The following ZNF385D variants were observed in gnomAD, a reference collection of about 807,000 sequenced individuals.
ZNF385D encodes the protein zinc finger protein 385D.
In ZNF385D, 15 loss-of-function variants were observed where a neutral mutation model predicts 35.8. That is an observed-to-expected ratio of 0.42 (90% CI 0.28 to 0.64). ZNF385D has a LOEUF of 0.64. ZNF385D is among the 30% of genes least tolerant of loss of function. ZNF385D has a pLI of 0.23. For missense variants in ZNF385D, 474 were observed against 494.6 expected (o/e 0.96, Z 0.39); for synonymous variants, 212 against 186.8 (o/e 1.13, Z -1.10).
At chr3:21,853,299 T>C (rs1297782822) in intron 3 of ZNF385D, among the ~76,000 whole-genome samples, 1 of 151,898 alleles carries the variant, frequency 6.6e-6, no homozygotes, top group Non-Finnish European at 1.5e-5. Flanking sequence ...AAAGTCTGTC[T>C]TCTTTTATAA....
chr3:22,197,242 T>C (rs1403642141), intron 2 of ZNF385D, among the ~76,000 whole-genome samples: 3 of 152,096 alleles, frequency 2.0e-5, no homozygotes, highest in Non-Finnish European at 4.4e-5. Flanking sequence ...GAGAAAATTC[T>C]TGGGCAGCAT....
chr3:22,239,939 G>T (rs1699395964), intron 2 of ZNF385D, among the ~76,000 whole-genome samples: 1 of 150,064 alleles, frequency 6.7e-6, no homozygotes, highest in Non-Finnish European at 1.5e-5. Context: ...CACTTTGGGA[G>T]ACCAAGACAG....
chr3:22,009,453 C>G (rs1696427941), intron 3 of ZNF385D, among the ~76,000 whole-genome samples: 1 of 151,940 alleles, frequency 6.6e-6, no homozygotes, highest in Non-Finnish European at 1.5e-5. Flanking sequence ...GAAACCCCGT[C>G]TCTACTAAAA....
At chr3:21,952,484 G>T (rs1486344998) in intron 3 of ZNF385D, among the ~76,000 whole-genome samples, 6 of 152,008 alleles carry the variant, frequency 3.9e-5, no homozygotes, top group African/African-American at 1.2e-4. Context: ...GAAAAAAAAT[G>T]GACTATACTT....
intron 3 of ZNF385D, among the ~76,000 whole-genome samples, chr3:21,948,937 T>C (rs1007565113): frequency 3.3e-5 from 5 of 152,164 alleles, no homozygotes; most frequent in African/African-American, 4.8e-5. Flanking sequence ...ACCAATTACA[T>C]TGACAAATTG....
intron 2 of ZNF385D, among the ~76,000 whole-genome samples, chr3:21,663,451 G>A (rs148827626): frequency 3.7e-4 from 56 of 152,126 alleles, no homozygotes; most frequent in Admixed American, 1.9e-3. Flanking sequence ...GCCAGAAAAA[G>A]CACCTTGATG....
intron 3 of ZNF385D, among the ~76,000 whole-genome samples, chr3:21,885,728 GTGTGTC>G (rs748784730): frequency 0.012 from 1,160 of 95,160 alleles, 12 homozygotes; most frequent in African/African-American, 0.04. Context: ...ATAGAACAGG[GTGTGTC>G]TGTGTCTGTG....
At chr3:21,602,828 C>T (rs1160541440) in intron 2 of ZNF385D, among the ~76,000 whole-genome samples, 3 of 152,168 alleles carry the variant, frequency 2.0e-5, no homozygotes, top group East Asian at 1.9e-4. Flanking sequence ...CCACCGCGCC[C>T]GGCCTCCCTG....
At position 22,266,812 on chromosome 3, in the gene ZNF385D, T is replaced by A. The variant is rs147711343; in HGVS notation, c.107-97777A>T. ...TATTATCGGTAAGTAAAGTCCTGAC[T>A]GTATGATGATGCACAGATACCGAAG... On this transcript the variant is annotated intron_variant, in intron 2 of 5. Coordinates refer to the ZNF385D transcript ENST00000494108. 4.6e-5 allele frequency among the ~76,000 whole-genome samples: 7 copies of A among 152,070 alleles called. No homozygotes were observed. In the East Asian group the frequency reaches 1.4e-3, roughly 30 times the overall value.
intron 1 of ZNF385D, 37 bp from the exon 2 acceptor site, chr3:21,665,065 C>T (rs374029549): frequency 6.5e-6 from 10 of 1,532,636 alleles, no homozygotes; most frequent in Non-Finnish European, 7.9e-6. Context: ...ATCAGGGACA[C>T]CACGCATGGA....
chr3:22,220,186 C>T (rs1279300523), intron 2 of ZNF385D, among the ~76,000 whole-genome samples: 1 of 151,926 alleles, frequency 6.6e-6, no homozygotes, highest in African/African-American at 2.4e-5. Context: ...ACCTCAGCCA[C>T]CTGAGTCACT....
rs903108192 is a variant in ZNF385D, at chr3:21,843,801, A to G, written c.326-178773T>C. ...TATGAACTTTGACAGAAACAATTCA[A>G]AGGGTCCCAGGTGGTAGCATGGTAT... is the stretch of plus-strand genomic sequence containing the variant. On this transcript the variant is annotated intron_variant, in intron 3 of 5. Transcript: ENST00000494108. Among the ~76,000 whole-genome samples, 4 of 152,088 alleles carry G rather than the reference A, an allele frequency of 2.6e-5. No individual in the cohort carries two copies. The East Asian group carries it at 7.8e-4, about 30-fold the overall frequency.
chr3:21,915,907 C>G (rs1354714007), intron 3 of ZNF385D, among the ~76,000 whole-genome samples: 1 of 152,092 alleles, frequency 6.6e-6, no homozygotes, highest in Non-Finnish European at 1.5e-5. Context: ...CTAGCTGAGA[C>G]TACCATGGCT....
intron 2 of ZNF385D, among the ~76,000 whole-genome samples, chr3:21,592,651 G>A (rs1041089537): frequency 6.6e-5 from 10 of 151,674 alleles, no homozygotes; most frequent in African/African-American, 1.9e-4. Flanking sequence ...TAAAGCTTAT[G>A]TTTGCTCAAA....
chr3:21,455,537 A>G (rs1702748145), intron 4 of ZNF385D, among the ~76,000 whole-genome samples: 1 of 152,224 alleles, frequency 6.6e-6, no homozygotes, highest in African/African-American at 2.4e-5. Context: ...AGCCATATGT[A>G]GAAAGCTGAA....
intron 2 of ZNF385D, among the ~76,000 whole-genome samples, chr3:22,291,456 T>A (rs946166801): frequency 3.9e-5 from 6 of 152,210 alleles, no homozygotes; most frequent in Admixed American, 3.9e-4. Context: ...AAAAATTTTC[T>A]GTTTAATTTT....
chr3:21,711,045 T>TTTTTTTTTG (rs2068085860), intron 1 of ZNF385D, among the ~76,000 whole-genome samples: 1 of 124,586 alleles, frequency 8.0e-6, no homozygotes, highest in Non-Finnish European at 1.7e-5. Context: ...AAAAGTTTTT[T>TTTTTTTTTG]TTTTTTTTTT....
intron 2 of ZNF385D, among the ~76,000 whole-genome samples, chr3:22,214,185 C>G (rs1361579242): frequency 6.6e-6 from 1 of 152,086 alleles, no homozygotes; most frequent in Non-Finnish European, 1.5e-5. Context: ...CCTGTCTTTA[C>G]TGCAATCTCT....
intron 3 of ZNF385D, among the ~76,000 whole-genome samples, chr3:21,850,945 T>C (rs1038692851): frequency 1.4e-4 from 21 of 152,088 alleles, no homozygotes; most frequent in African/African-American, 4.8e-4. Flanking sequence ...TTATGTATCA[T>C]TCAAATATTT....
Sources: allele counts gnomAD v4.1 joint callset (sites outside exome capture counted in the v4.1 genomes callset), GRCh38; gene constraint gnomAD v4.1.1; transcripts MANE v1.5; gene names NCBI Gene and HGNC (gene_info 2026-07-23, HGNC 2026-07-21).